HERPUD2: variants seen among roughly 807,000 people sequenced by gnomAD.
The protein encoded by HERPUD2 is HERPUD family member 2.
HERPUD2 carries 13 observed loss-of-function variants against 49.9 expected under a neutral mutation model. The observed-to-expected ratio is 0.26, with a 90% CI of 0.17 to 0.41. The LOEUF (loss-of-function observed/expected upper bound fraction) is 0.41, where lower values mean the gene tolerates loss of function less well. Ranked by LOEUF, HERPUD2 falls within the 10% of genes least tolerant of loss-of-function variation. HERPUD2 has a pLI of 1.00. For synonymous variants in HERPUD2, 172 were observed against 171.4 expected, an observed-to-expected ratio of 1.00 and a Z score of -0.03; for missense variants, 449 against 492.2, an observed-to-expected ratio of 0.91 and a Z score of 0.83.
chr7:35,683,778 T>C (rs540040570), intron 2 of HERPUD2, among the ~76,000 whole-genome samples: 1 of 152,180 alleles, frequency 6.6e-6, no homozygotes, highest in South Asian at 2.1e-4. Flanking sequence ...AAAGAAGATA[T>C]ACAAATGGCC....
chr7:35,650,657 C>T (rs1785145622), intron 5 of HERPUD2, among the ~76,000 whole-genome samples: 1 of 152,164 alleles, frequency 6.6e-6, no homozygotes, highest in South Asian at 2.1e-4. Flanking sequence ...TCAGCAACCC[C>T]ACACCTGTGA....
chr7:35,642,975 G>A (rs187880119), intron 5 of HERPUD2, among the ~76,000 whole-genome samples: 3 of 152,062 alleles, frequency 2.0e-5, no homozygotes, highest in African/African-American at 4.8e-5. Context: ...AAAAAGCTTT[G>A]CTCTTATGCC....
chr7:35,671,916 T>C (rs1413532585), intron 3 of HERPUD2, among the ~76,000 whole-genome samples: 1 of 151,836 alleles, frequency 6.6e-6, no homozygotes, highest in African/African-American at 2.4e-5. Flanking sequence ...TACCGAAATA[T>C]ATTTTATTTC....
intron 5 of HERPUD2, among the ~76,000 whole-genome samples, chr7:35,666,045 A>G (rs117585491): frequency 5.3e-4 from 81 of 152,342 alleles, no homozygotes; most frequent in Non-Finnish European, 1.0e-3. Context: ...ACCAAATAAA[A>G]TAAGTAAAAT....
chr7:35,644,745 G>C (rs1293683382), intron 5 of HERPUD2, among the ~76,000 whole-genome samples: 3 of 151,982 alleles, frequency 2.0e-5, no homozygotes, highest in Non-Finnish European at 4.4e-5. Context: ...CTAGCCTGGG[G>C]GAAACAGTGA....
Position 35,670,315 on chromosome 7 carries a change from T to C in HERPUD2, c.239A>G (p.His80Arg). 1.3e-6 allele frequency: 2 copies of C among 1,492,292 alleles called. No homozygotes were observed. Among genetic ancestry groups the C allele is most frequent in the Non-Finnish European group, 9.1e-7 (1 of 1,101,546 alleles). 92.4% of individuals were successfully genotyped at this position (1,492,292 alleles called of 1,614,324 possible). A position where few individuals can be genotyped will look rare whatever the true frequency, so the allele number is the denominator to read the frequency against. Residue 80 changes from histidine (H) to arginine (R), a missense_variant, in exon 4 of 9, where the codon CAT (histidine) becomes CGT (arginine). His to Arg is a conservative substitution (Grantham distance 29). Transcript: ENST00000311350. ...AGAAGTACATACTAGATGAACCATA[T>C]GATACTCATCTTGCTAAAATTAAAG... ...KDILRKQDEYHMVHLVCTSRT... is the reference protein window; with the variant it reads ...KDILRKQDEYRMVHLVCTSRT...
intron 2 of HERPUD2, among the ~76,000 whole-genome samples, chr7:35,675,178 A>C (rs1412850322): frequency 6.6e-6 from 1 of 152,142 alleles, no homozygotes; most frequent in Non-Finnish European, 1.5e-5. Context: ...CATTCAGCTG[A>C]TGTCCTCTGG....
At chr7:35,639,814 C>T (rs1365449763) in intron 5 of HERPUD2, among the ~76,000 whole-genome samples, 1 of 152,170 alleles carries the variant, frequency 6.6e-6, no homozygotes, top group East Asian at 1.9e-4. Context: ...CTTAAAGAAA[C>T]GTGGTGCTAG....
chr7:35,681,683 T>C (rs1287160003), intron 2 of HERPUD2, among the ~76,000 whole-genome samples: 1 of 152,146 alleles, frequency 6.6e-6, no homozygotes, highest in African/African-American at 2.4e-5. Flanking sequence ...ACACATGCTA[T>C]AATGTAGATG....
intron 5 of HERPUD2, among the ~76,000 whole-genome samples, chr7:35,651,592 C>T (rs1422023334): frequency 6.6e-6 from 1 of 152,116 alleles, no homozygotes; most frequent in African/African-American, 2.4e-5. Flanking sequence ...AGTGCCCCCA[C>T]TACAAAAGCA....
intron 5 of HERPUD2, among the ~76,000 whole-genome samples, chr7:35,652,493 G>C (rs1785187509): frequency 6.6e-6 from 1 of 152,154 alleles, no homozygotes; most frequent in South Asian, 2.1e-4. Flanking sequence ...TTAATGCTTA[G>C]AACCCCCAGC....
chr7:35,635,943 C>T (rs1784865158), intron 6 of HERPUD2, among the ~76,000 whole-genome samples: 13 of 152,124 alleles, frequency 8.5e-5, no homozygotes, highest in Admixed American at 8.5e-4. Context: ...GTATTAGTAT[C>T]CTAAAATCCT....
At chr7:35,680,278 G>A (rs1785852034) in intron 2 of HERPUD2, among the ~76,000 whole-genome samples, 1 of 151,680 alleles carries the variant, frequency 6.6e-6, no homozygotes. Flanking sequence ...GTGTGGTAGG[G>A]CATGCTTGTA....
chr7:35,672,269 A>T (rs879636842), intron 3 of HERPUD2, among the ~76,000 whole-genome samples: 3 of 96,400 alleles, frequency 3.1e-5, no homozygotes, highest in Non-Finnish European at 6.1e-5. Flanking sequence ...AAAATTGTTT[A>T]AAAAAAAAAA....
At chr7:35,673,086 G>T in intron 3 of HERPUD2, 115 bp downstream of exon 3, 1 of 690,578 alleles carries the variant, frequency 1.4e-6, no homozygotes, top group Non-Finnish European at 2.5e-6. Flanking sequence ...GTTACACCAC[G>T]CAAAGGGATT....
At chr7:35,642,356 T>A (rs1784979445) in intron 5 of HERPUD2, among the ~76,000 whole-genome samples, 1 of 152,212 alleles carries the variant, frequency 6.6e-6, no homozygotes, top group Non-Finnish European at 1.5e-5. Flanking sequence ...TCTACACTGT[T>A]GGTGGGAGTG....
At chr7:35,656,226 G>A (rs1785272350) in intron 5 of HERPUD2, among the ~76,000 whole-genome samples, 1 of 151,582 alleles carries the variant, frequency 6.6e-6, no homozygotes, top group African/African-American at 2.4e-5. Flanking sequence ...CCTTACAATA[G>A]CTACAAAAAA....
intron 2 of HERPUD2, 111 bp downstream of exon 2, chr7:35,694,073 C>A: frequency 1.7e-6 from 2 of 1,149,752 alleles, no homozygotes; most frequent in South Asian, 1.3e-5. Context: ...CGCGGTCTAC[C>A]AAAAGAGACC....
chr7:35,670,347 A>G lies in HERPUD2; in HGVS notation c.226-19T>C. The G allele has an allele frequency of 8.2e-7, 1 of 1,215,714 alleles. No individual in the cohort carries two copies. Among genetic ancestry groups the G allele is most frequent in the Non-Finnish European group, 1.1e-6 (1 of 876,586 alleles). The allele number at this position is 1,215,714 out of a possible 1,614,324, so 75.3% of individuals were successfully genotyped here. The stretch of plus-strand genomic sequence containing the variant: ...CATCTTGCTAAAATTAAAGAAGATT[A>G]CATTTAAAGGGTAGTACTACAAAAT... On this transcript the variant is annotated intron_variant, in intron 3 of 8. Coordinates refer to ENST00000311350, the MANE Select transcript of HERPUD2 (RefSeq NM_022373.5).
Sources: gnomAD v4.1 joint callset for allele counts (sites outside exome capture counted in the v4.1 genomes callset) on GRCh38, gnomAD v4.1.1 for gene constraint, MANE v1.5 for transcripts, NCBI Gene and HGNC (gene_info 2026-07-23, HGNC 2026-07-21) for gene names.